Variants in COBLL1 observed in about 807,000 individuals in gnomAD.
COBLL1 encodes the protein cordon-bleu protein-like 1.
Under a neutral mutation model 94.8 loss-of-function variants are expected in COBLL1, and 50 were observed. The observed-to-expected ratio is 0.53, with a 90% CI of 0.42 to 0.67. COBLL1 has a LOEUF of 0.67. Among genes scored for constraint, COBLL1 ranks in the 30% least tolerant of loss-of-function variants. The probability of loss-of-function intolerance (pLI) is 0.00; values close to 1 mark genes in which losing one functional copy is unlikely to be tolerated. For synonymous variants in COBLL1, 448 were observed against 473.8 expected (o/e 0.95, Z 0.71); for missense variants, 1,362 against 1,348.7 (o/e 1.01, Z -0.15).
chr2:164,763,477 C>T (rs1451348564), intron 2 of COBLL1, among the ~76,000 whole-genome samples: 3 of 152,152 alleles, frequency 2.0e-5, no homozygotes, highest in Admixed American at 2.0e-4. Flanking sequence ...AATAATCCTA[C>T]TACCAGGAAG....
chr2:164,710,040 A>AT (rs1384600039), intron 7 of COBLL1, among the ~76,000 whole-genome samples: 3 of 152,272 alleles, frequency 2.0e-5, no homozygotes, highest in East Asian at 3.9e-4. Context: ...TAATATATAT[A>AT]TTTTTTGTTG....
At chr2:164,820,873 T>A (rs1478018025) in intron 2 of COBLL1, among the ~76,000 whole-genome samples, 1 of 152,112 alleles carries the variant, frequency 6.6e-6, no homozygotes, top group Non-Finnish European at 1.5e-5. Flanking sequence ...AGAAATGACA[T>A]GGACAATTTT....
chr2:164,814,345 G>A (rs958024158), intron 2 of COBLL1, among the ~76,000 whole-genome samples: 29 of 151,954 alleles, frequency 1.9e-4, no homozygotes. Flanking sequence ...ATAAACAATT[G>A]ATTTTTGTAT....
intron 4 of COBLL1, among the ~76,000 whole-genome samples, chr2:164,728,827 A>G (rs1219791806): frequency 6.6e-6 from 1 of 152,048 alleles, no homozygotes; most frequent in Non-Finnish European, 1.5e-5. Context: ...TTCATTAAAT[A>G]TCTAGTACTA....
rs191147883 is a variant in COBLL1 at position 164,778,564 on chromosome 2, C to T, written c.42-34689G>A. 7.7e-4 allele frequency among the ~76,000 whole-genome samples: 118 copies of T among 152,284 alleles called. 2 individuals are homozygous for T. The East Asian group carries it at 0.018, about 23-fold the overall frequency. On this transcript the variant is annotated intron_variant, in intron 2 of 13. Transcript: ENST00000652658. Reference sequence around the variant, plus strand: ...GTTGCAGTAAGCTGAGATCATGCCACTGCACTCTAGCCTGGGCGACAGAGT... The same window carrying T: ...GTTGCAGTAAGCTGAGATCATGCCATTGCACTCTAGCCTGGGCGACAGAGT...
intron 2 of COBLL1, among the ~76,000 whole-genome samples, chr2:164,822,882 G>A (rs914771573): frequency 1.3e-5 from 2 of 151,668 alleles, no homozygotes; most frequent in African/African-American, 4.8e-5. Flanking sequence ...CGATTCTCGT[G>A]CCTCAGCCTC....
In COBLL1 at chr2:164,680,440, G is replaced by C. The variant is rs946000546; in HGVS notation, c.*5506C>G. The C allele has an allele frequency of 6.6e-6, 1 of 152,124 alleles. No individual in the cohort carries two copies. Among genetic ancestry groups the C allele is most frequent in the African/African-American group, 2.4e-5 (1 of 41,424 alleles). The allele number at this position is 152,124 out of a possible 1,614,324, so 9.4% of individuals were successfully genotyped here. Reference sequence around the variant, plus strand: ...AAGTTTCTTCACTATGAACCCTTCAGTGAACTTTTCCCCATTCATAACATG... The same window carrying C: ...AAGTTTCTTCACTATGAACCCTTCACTGAACTTTTCCCCATTCATAACATG... On this transcript the variant is annotated 3_prime_UTR_variant, in exon 14 of 14. Transcript: ENST00000652658.
intron 2 of COBLL1, among the ~76,000 whole-genome samples, chr2:164,760,235 A>C (rs1687612105): frequency 6.6e-6 from 1 of 152,226 alleles, no homozygotes; most frequent in Admixed American, 6.5e-5. Context: ...CAAAGTTTTG[A>C]TACATTCAAC....
At position 164,682,645 on chromosome 2, in the gene COBLL1, A is replaced by C. The variant is rs1196113582; in HGVS notation, c.*3301T>G. 1.3e-5 allele frequency: 2 copies of C among 152,202 alleles called. No individual in the cohort carries two copies. The highest frequency in any genetic ancestry group is 4.8e-5 in the African/African-American group (2 of 41,462). 9.4% of individuals were successfully genotyped at this position (152,202 alleles called of 1,614,324 possible). ...GAATAGGGAGTATATTAGGCAAATA[A>C]TACCTGTTCACTTATAGTATTGACA... On this transcript the variant is annotated 3_prime_UTR_variant, in exon 14 of 14. Coordinates refer to ENST00000652658, the MANE Select transcript of COBLL1 (RefSeq NM_001365672.2).
chr2:164,831,807 C>A (rs1683089503), intron 2 of COBLL1, among the ~76,000 whole-genome samples: 1 of 151,954 alleles, frequency 6.6e-6, no homozygotes, highest in Non-Finnish European at 1.5e-5. Flanking sequence ...GACTATCAGG[C>A]ATAAAAAAAA....
intron 1 of COBLL1, among the ~76,000 whole-genome samples, chr2:164,673,382 C>T (rs1036526208): frequency 2.6e-5 from 4 of 152,010 alleles, no homozygotes; most frequent in Non-Finnish European, 5.9e-5. Flanking sequence ...TAAGGCTGGG[C>T]GCGGTGGCTA....
intron 2 of COBLL1, among the ~76,000 whole-genome samples, chr2:164,840,292 G>A (rs1419913996): frequency 6.6e-6 from 1 of 152,006 alleles, no homozygotes; most frequent in African/African-American, 2.4e-5. Flanking sequence ...TTATGCTGGG[G>A]GGAAAAATCT....
rs1685345072 is a variant in COBLL1, at chr2:164,824,674, A to T, written c.41+16482T>A. Among the ~76,000 whole-genome samples the T allele has an allele frequency of 3.3e-5, 5 of 152,168 alleles. No homozygotes were observed. In the South Asian group the frequency reaches 1.0e-3, roughly 32 times the overall value. On this transcript the variant is annotated intron_variant, in intron 2 of 13. Transcript: ENST00000652658. ...TTTACAGACAGCATGTTAAATTATA[A>T]ATCAGAATACATCTTAAGAAAGGCT...
chr2:164,725,134 A>ATATATATATATGTATATATATATATAT (rs1558956185), intron 5 of COBLL1: 1 of 55,392 alleles, frequency 1.8e-5, no homozygotes, highest in Non-Finnish European at 3.3e-5. Context: ...ATATATATAT[A>ATATATATATATGTATATATATATATAT]AAATGAAAGC....
intron 1 of COBLL1, among the ~76,000 whole-genome samples, chr2:164,668,727 T>C (rs2105386189): frequency 6.6e-6 from 1 of 152,336 alleles, no homozygotes; most frequent in South Asian, 2.1e-4. Context: ...TCTCTGTTAT[T>C]TTCTCGTTCA....
chr2:164,698,128 A>G (rs1173452210), intron 11 of COBLL1: 1 of 152,068 alleles, frequency 6.6e-6, no homozygotes, highest in Admixed American at 6.5e-5. Context: ...CTTGACAACA[A>G]AAGTCTTAAC....
intron 2 of COBLL1, among the ~76,000 whole-genome samples, chr2:164,823,191 G>A (rs932599415): frequency 2.6e-5 from 4 of 152,036 alleles, no homozygotes; most frequent in Admixed American, 6.6e-5. Context: ...TTTTCATTAC[G>A]AGCAGTTACA....
chr2:164,723,728 TA>T (rs1388919180), intron 5 of COBLL1: 5 of 152,216 alleles, frequency 3.3e-5, no homozygotes, highest in Admixed American at 1.3e-4. Context: ...TCCATTATTT[TA>T]AAAACTGATG....
At chr2:164,836,154 CT>C (rs1324739721) in intron 2 of COBLL1, among the ~76,000 whole-genome samples, 2 of 151,922 alleles carry the variant, frequency 1.3e-5, no homozygotes, top group Non-Finnish European at 1.5e-5. Context: ...AAAAATCCTA[CT>C]TTTGAAATAT....
Sources: gnomAD v4.1 joint callset for allele counts (sites outside exome capture counted in the v4.1 genomes callset) on GRCh38, gnomAD v4.1.1 for gene constraint, MANE v1.5 for transcripts, NCBI Gene and HGNC (gene_info 2026-07-23, HGNC 2026-07-21) for gene names.